Variants in TOMM20L observed in about 807,000 individuals in gnomAD.
TOMM20L encodes TOMM20-like protein 1.
Under a neutral mutation model 20.4 loss-of-function variants are expected in TOMM20L, and 19 were observed. The ratio of observed to expected loss-of-function variants is 0.93; its 90% CI spans 0.65 to 1.36. The LOEUF (loss-of-function observed/expected upper bound fraction) is 1.36. TOMM20L is among the 40% of genes most tolerant of loss of function. The pLI is 0.00. For missense variants in TOMM20L, 218 were observed against 203.7 expected (o/e 1.07, Z -0.43); for synonymous variants, 75 against 79.6 (o/e 0.94, Z 0.30).
At chr14:58,415,895 T>C in the TOMM20L span, among the ~76,000 whole-genome samples, 74 of 152,036 alleles carry the variant, frequency 4.9e-4, 2 homozygotes, top group Admixed American at 4.0e-3. Flanking sequence ...GAAACCTACA[T>C]CGACACATAA....
At chr14:58,410,780 G>A (rs574866895), downstream of TOMM20L, 4 of 1,119,826 alleles carry the variant, frequency 3.6e-6, no homozygotes, top group Non-Finnish European at 3.9e-6. Flanking sequence ...AAATGCTTAA[G>A]GGGATCCTAC....
downstream of TOMM20L, chr14:58,409,115 T>C (rs1174003340): frequency 3.7e-6 from 6 of 1,613,972 alleles, no homozygotes; most frequent in South Asian, 6.6e-5. Context: ...ATCTCATGGA[T>C]ATTCTTTGTG....
Position 58,408,582 on chromosome 14 carries a change from A to G in TOMM20L, c.459A>G (p.Ter153TrpextTer19). The G allele has an allele frequency of 6.2e-7, 1 of 1,613,892 alleles. No homozygotes were observed. The highest frequency in any genetic ancestry group is 8.5e-7 in the Non-Finnish European group (1 of 1,179,860). ...EQDCLEDDPD[*>W] is the part of the protein sequence containing the mutation. ...ACTGCTTGGAGGATGATCCTGATTG[A>G]AAAACATTTCAACGTATCCACAGTC... Residue 153 changes from the stop codon to tryptophan (W), a stop_lost, in exon 5 of 5, where the codon TGA (stop) becomes TGG (tryptophan). Coordinates refer to ENST00000360945, the MANE Select transcript of TOMM20L (RefSeq NM_207377.3).
intron 3 of TOMM20L, among the ~76,000 whole-genome samples, chr14:58,405,009 C>T (rs2036040016): frequency 6.7e-6 from 1 of 149,810 alleles, no homozygotes; most frequent in Non-Finnish European, 1.5e-5. Context: ...ACTCTTGTTG[C>T]CCAGGCTGGA....
At position 58,395,971 on chromosome 14, in the gene TOMM20L, G is replaced by A; in HGVS notation, c.14G>A (p.Arg5His). Residue 5 changes from arginine to histidine, a missense_variant, in exon 1 of 5, where the codon CGC becomes CAC. Coordinates refer to ENST00000360945, the MANE Select transcript of TOMM20L (RefSeq NM_207377.3). Reference protein sequence around the residue: MPSVRSLLRLLAAAA... With the variant: MPSVHSLLRLLAAAA... The stretch of plus-strand genomic sequence containing the variant: ...GCCCGCGGTCGGATGCCCTCCGTCC[G>A]CTCCCTCCTCCGCCTCTTGGCCGCC... 6.9e-7 allele frequency: 1 copy of A among 1,445,736 alleles called. No individual in the cohort carries two copies. Among genetic ancestry groups the A allele is most frequent in the Admixed American group, 2.3e-5 (1 of 43,564 alleles). The allele number at this position is 1,445,736 out of a possible 1,614,324, so 89.6% of individuals were successfully genotyped here.
intron 2 of TOMM20L, among the ~76,000 whole-genome samples, chr14:58,397,294 C>G (rs1030304152): frequency 6.6e-6 from 1 of 151,888 alleles, no homozygotes; most frequent in Non-Finnish European, 1.5e-5. Flanking sequence ...GTGTGTGTGT[C>G]TGTGTATAGA....
At chr14:58,410,404 C>T (rs148055135), downstream of TOMM20L, among the ~76,000 whole-genome samples, 132 of 150,954 alleles carry the variant, frequency 8.7e-4, no homozygotes, top group African/African-American at 2.9e-3. Flanking sequence ...GGTAACAGAG[C>T]GAGACCCTGT....
chr14:58,411,902 C>G, downstream of TOMM20L: 1 of 1,613,602 alleles, frequency 6.2e-7, no homozygotes, highest in Middle Eastern at 1.7e-4. Flanking sequence ...ATTAGAATAC[C>G]TTACCTGTTT....
chr14:58,410,283 G>A (rs554230134), downstream of TOMM20L, among the ~76,000 whole-genome samples: 65 of 151,826 alleles, frequency 4.3e-4, no homozygotes, highest in Admixed American at 1.7e-3. Flanking sequence ...CCATGTTGCC[G>A]AGGCTGGTTT....
At chr14:58,396,215 G>A in intron 1 of TOMM20L, 83 bp from the exon 2 acceptor site, 2 of 1,573,766 alleles carry the variant, frequency 1.3e-6, no homozygotes, top group Non-Finnish European at 1.7e-6. Flanking sequence ...GGGGCCCGCG[G>A]CGCCCGGGCA....
intron 2 of TOMM20L, among the ~76,000 whole-genome samples, chr14:58,401,346 C>T (rs573885446): frequency 1.1e-4 from 17 of 152,120 alleles, no homozygotes; most frequent in African/African-American, 1.7e-4. Flanking sequence ...CCGAGGTGGG[C>T]GGATCACAAA....
chr14:58,406,971 T>C (rs1467558758), intron 3 of TOMM20L, among the ~76,000 whole-genome samples: 1 of 152,194 alleles, frequency 6.6e-6, no homozygotes, highest in Non-Finnish European at 1.5e-5. Flanking sequence ...CAATCACACA[T>C]GTAAAGATAA....
chr14:58,401,660 T>C (rs2035994728), intron 2 of TOMM20L, among the ~76,000 whole-genome samples: 1 of 151,970 alleles, frequency 6.6e-6, no homozygotes, highest in Non-Finnish European at 1.5e-5. Context: ...ACCTTACAGA[T>C]TTGAAACACT....
At chr14:58,404,788 G>A (rs2036036831) in intron 3 of TOMM20L, among the ~76,000 whole-genome samples, 1 of 152,026 alleles carries the variant, frequency 6.6e-6, no homozygotes. Flanking sequence ...AAATATTAAC[G>A]ATTTTTGCTT....
chr14:58,396,152 C>CGGGAGGGCCCCCCACTGAGA, intron 1 of TOMM20L, 59 bp downstream of exon 1: 1 of 1,280,788 alleles, frequency 7.8e-7, no homozygotes, highest in Non-Finnish European at 9.9e-7. Flanking sequence ...GGCTGCCGGC[C>CGGGAGGGCCCCCCACTGAGA]GGGAGGGCCC....
chr14:58,401,754 T>C (rs2035996124), intron 2 of TOMM20L, among the ~76,000 whole-genome samples: 1 of 152,152 alleles, frequency 6.6e-6, no homozygotes. Flanking sequence ...CTAGGTGTAG[T>C]ACCAATGATG....
chr14:58,415,662 C>T, the TOMM20L span, among the ~76,000 whole-genome samples: 2 of 152,104 alleles, frequency 1.3e-5, no homozygotes, highest in East Asian at 1.9e-4. Flanking sequence ...ACCTGAATTA[C>T]AGAGAAAAAC....
At chr14:58,396,420 TC>T in intron 2 of TOMM20L, 79 bp downstream of exon 2, 1 of 1,532,932 alleles carries the variant, frequency 6.5e-7, no homozygotes, top group South Asian at 1.2e-5. Context: ...CCTGGCGGGC[TC>T]GGCAGCAGGT....
intron 2 of TOMM20L, among the ~76,000 whole-genome samples, 184 bp downstream of exon 2, chr14:58,396,525 G>C (rs2035925422): frequency 6.6e-6 from 1 of 152,270 alleles, no homozygotes; most frequent in Non-Finnish European, 1.5e-5. Context: ...TCACAAAAGG[G>C]AGGGAAGGAA....
Sources: gnomAD v4.1 joint callset for allele counts (sites outside exome capture counted in the v4.1 genomes callset) on GRCh38, gnomAD v4.1.1 for gene constraint, MANE v1.5 for transcripts, NCBI Gene and HGNC (gene_info 2026-07-23, HGNC 2026-07-21) for gene names.